The following ZMAT5 variants were observed in gnomAD, a reference collection of about 807,000 sequenced individuals.
ZMAT5 encodes zinc finger matrin-type protein 5.
Under a neutral mutation model 28.0 loss-of-function variants are expected in ZMAT5, and 23 were observed. The ratio of observed to expected loss-of-function variants is 0.82; its 90% CI spans 0.59 to 1.16. The LOEUF is 1.16. Ranked by LOEUF, ZMAT5 falls within the 50% of genes most tolerant of loss-of-function variation. The pLI, the probability that ZMAT5 is intolerant of heterozygous loss-of-function variation, is 0.00. For synonymous variants in ZMAT5, 76 were observed against 84.1 expected (o/e 0.90, Z 0.52); for missense variants, 173 against 212.7 (o/e 0.81, Z 1.16).
At chr22:29,740,593 G>A in intron 4 of ZMAT5, 57 bp downstream of exon 4, 1 of 1,522,672 alleles carries the variant, frequency 6.6e-7, no homozygotes, top group Non-Finnish European at 8.9e-7. Context: ...CCCGGTCTCA[G>A]AGCCCACATG....
rs143019260 is a variant in ZMAT5 at position 29,752,842 on chromosome 22, C to T, written c.-27-4271G>A. ...ACAGTCGAGAGCCACCGCACCAAGCCGGCAATGCTTTCTATCTACCTGTCA... is the reference window on the plus strand; with the variant it reads ...ACAGTCGAGAGCCACCGCACCAAGCTGGCAATGCTTTCTATCTACCTGTCA... On this transcript the variant is annotated intron_variant, in intron 1 of 5. Coordinates refer to ENST00000344318, the MANE Select transcript of ZMAT5 (RefSeq NM_001003692.2). 7.3e-3 allele frequency among the ~76,000 whole-genome samples: 1,111 copies of T among 152,324 alleles called. 13 individuals carry two copies. The highest frequency in any genetic ancestry group is 0.025 in the African/African-American group (1,055 of 41,570).
chr22:29,731,643 C>G (rs2067846350), intron 5 of ZMAT5: 1 of 370,630 alleles, frequency 2.7e-6, no homozygotes, highest in African/African-American at 2.2e-5. Flanking sequence ...ATATGCACGT[C>G]CACAGCAGAG....
At chr22:29,755,102 C>T (rs1453916982) in intron 1 of ZMAT5, among the ~76,000 whole-genome samples, 1 of 151,830 alleles carries the variant, frequency 6.6e-6, no homozygotes, top group Non-Finnish European at 1.5e-5. Flanking sequence ...TTGAGACCAG[C>T]CTGACCAACA....
intron 2 of ZMAT5, chr22:29,746,530 C>G (rs944513355): frequency 6.6e-6 from 1 of 152,430 alleles, no homozygotes; most frequent in Non-Finnish European, 1.5e-5. Context: ...AAGCGATCCT[C>G]CCACCTCAGC....
chr22:29,765,178 G>A (rs2068195078), intron 1 of ZMAT5, among the ~76,000 whole-genome samples: 1 of 152,084 alleles, frequency 6.6e-6, no homozygotes, highest in South Asian at 2.1e-4. Flanking sequence ...CGGCACTTTG[G>A]GAGACCGTGG....
intron 5 of ZMAT5, 87 bp from the exon 6 acceptor site, chr22:29,731,441 G>GAGGGTCA: frequency 6.7e-7 from 1 of 1,483,516 alleles, no homozygotes; most frequent in South Asian, 1.4e-5. Flanking sequence ...TCACCACCCT[G>GAGGGTCA]GCTGTGGGGA....
At chr22:29,733,302 G>T (rs1399213777) in intron 5 of ZMAT5, among the ~76,000 whole-genome samples, 1 of 152,220 alleles carries the variant, frequency 6.6e-6, no homozygotes, top group Non-Finnish European at 1.5e-5. Context: ...GAAGGGCTTG[G>T]GCCTGCGGAG....
At chr22:29,737,914 C>G (rs963494985) in intron 5 of ZMAT5, among the ~76,000 whole-genome samples, 1 of 152,072 alleles carries the variant, frequency 6.6e-6, no homozygotes, top group Non-Finnish European at 1.5e-5. Context: ...TGTGCAATCC[C>G]GGCTCTACAT....
intron 3 of ZMAT5, among the ~76,000 whole-genome samples, chr22:29,741,095 T>C (rs1275249775): frequency 6.6e-6 from 1 of 152,202 alleles, no homozygotes; most frequent in African/African-American, 2.4e-5. Flanking sequence ...CAATGCTTCC[T>C]TTCTCCACTC....
rs548639319 is a variant in ZMAT5, at chr22:29,755,756, T to C, written c.-27-7185A>G. 8.5e-5 allele frequency among the ~76,000 whole-genome samples: 13 copies of C among 152,052 alleles called. No individual in the cohort carries two copies. In the East Asian group the frequency reaches 2.5e-3, roughly 29 times the overall value. On this transcript the variant is annotated intron_variant, in intron 1 of 5. Transcript: ENST00000344318. ...ACAATAATGACACATCAATAACCAA[T>C]AACAACCACGTCTCATCATCCTGAG...
chr22:29,760,666 G>A (rs1157407939), intron 1 of ZMAT5, among the ~76,000 whole-genome samples: 3 of 152,186 alleles, frequency 2.0e-5, no homozygotes, highest in Non-Finnish European at 2.9e-5. Flanking sequence ...AAGCCTGGAG[G>A]AATGAACTTT....
intron 1 of ZMAT5, among the ~76,000 whole-genome samples, chr22:29,765,841 C>G (rs1333354754): frequency 6.6e-6 from 1 of 152,224 alleles, no homozygotes; most frequent in Non-Finnish European, 1.5e-5. Context: ...ACACTCCAGT[C>G]TGGACGACAG....
chr22:29,748,549 A>G lies in ZMAT5; in HGVS notation c.-5T>C, dbSNP rs774742888. ...ACAGAAGTATCGCTTCCCCATGGCC[A>G]CTCAGAGCAGGTGCTTTGCTGCCTG... On this transcript the variant is annotated 5_prime_UTR_variant, in exon 2 of 6. Transcript: ENST00000344318. The G allele has an allele frequency of 6.2e-7, 1 of 1,613,882 alleles. No individual in the cohort carries two copies. Among genetic ancestry groups the G allele is most frequent in the South Asian group, 1.1e-5 (1 of 91,086 alleles).
At chr22:29,743,571 C>T (rs1569336799) in intron 2 of ZMAT5, among the ~76,000 whole-genome samples, 1 of 152,180 alleles carries the variant, frequency 6.6e-6, no homozygotes, top group Non-Finnish European at 1.5e-5. Flanking sequence ...GCTGGGACTA[C>T]AGGCGTCCGC....
intron 5 of ZMAT5, among the ~76,000 whole-genome samples, chr22:29,736,968 CA>C (rs1335606357): frequency 6.8e-6 from 1 of 146,184 alleles, no homozygotes; most frequent in Non-Finnish European, 1.5e-5. Flanking sequence ...GTGGAGTTTG[CA>C]ATGAGACAAT....
At chr22:29,755,215 A>T (rs1037446243) in intron 1 of ZMAT5, among the ~76,000 whole-genome samples, 2 of 151,958 alleles carry the variant, frequency 1.3e-5, no homozygotes, top group Non-Finnish European at 2.9e-5. Context: ...GAATTGCTCA[A>T]ACCCAGGCAG....
At chr22:29,732,613 A>G (rs1179304283) in intron 5 of ZMAT5, among the ~76,000 whole-genome samples, 1 of 151,868 alleles carries the variant, frequency 6.6e-6, no homozygotes, top group East Asian at 1.9e-4. Context: ...GGTGGGGGGC[A>G]CCTGTAGTCC....
chr22:29,738,265 G>A (rs2067925901), intron 5 of ZMAT5, 65 bp downstream of exon 5: 6 of 1,439,228 alleles, frequency 4.2e-6, no homozygotes, highest in Admixed American at 3.4e-5. Context: ...GCCTCAGGAA[G>A]GGGAAGGCGG....
intron 5 of ZMAT5, among the ~76,000 whole-genome samples, chr22:29,732,157 C>T (rs2067853373): frequency 6.6e-6 from 1 of 152,254 alleles, no homozygotes; most frequent in Non-Finnish European, 1.5e-5. Context: ...ATCCTTCTGG[C>T]CTTGGGCCCC....
Sources: gnomAD v4.1 joint callset for allele counts (sites outside exome capture counted in the v4.1 genomes callset) on GRCh38, gnomAD v4.1.1 for gene constraint, MANE v1.5 for transcripts, NCBI Gene and HGNC (gene_info 2026-07-23, HGNC 2026-07-21) for gene names.